Variants in WDR20 observed in about 807,000 individuals in gnomAD.
WDR20 encodes the protein WD repeat domain 20, also known as WD repeat-containing protein 20.
In WDR20, 3 loss-of-function variants were observed where a neutral mutation model predicts 38.7. The ratio of observed to expected loss-of-function variants is 0.08; its 90% CI spans 0.04 to 0.20. WDR20 has a LOEUF of 0.20. WDR20 is among the 10% of genes least tolerant of loss of function. WDR20 has a pLI of 1.00. For missense variants in WDR20, 559 were observed against 727.7 expected (o/e 0.77, Z 2.67); for synonymous variants, 298 against 285.6 (o/e 1.04, Z -0.44).
intron 1 of WDR20, among the ~76,000 whole-genome samples, chr14:102,174,482 C>T (rs2061643766): frequency 1.3e-5 from 2 of 152,152 alleles, no homozygotes; most frequent in East Asian, 1.9e-4. Context: ...TGCAATGGCA[C>T]AATCTCGGCT....
At chr14:102,155,164 A>T (rs887106415) in intron 1 of WDR20, among the ~76,000 whole-genome samples, 1 of 152,150 alleles carries the variant, frequency 6.6e-6, no homozygotes, top group African/African-American at 2.4e-5. Context: ...CTCGGGTTTC[A>T]TTTTTTGTAA....
chr14:102,210,015 A>G lies in WDR20; in HGVS notation c.*135A>G, dbSNP rs2062240838. The G allele has an allele frequency of 1.4e-6, 2 of 1,446,260 alleles. No homozygotes were observed. Among genetic ancestry groups the G allele is most frequent in the Admixed American group, 5.6e-5 (2 of 35,624 alleles). The allele number at this position is 1,446,260 out of a possible 1,614,324, so 89.6% of individuals were successfully genotyped here. On this transcript the variant is annotated 3_prime_UTR_variant, in exon 3 of 3. Coordinates refer to ENST00000342702, the MANE Select transcript of WDR20 (RefSeq NM_144574.4). ...CAATGCATCAGAGCCATAATTTTGGATACTGCATGCCATGTAATTCTGAAT... is the reference window on the plus strand; with the variant it reads ...CAATGCATCAGAGCCATAATTTTGGGTACTGCATGCCATGTAATTCTGAAT...
intron 1 of WDR20, among the ~76,000 whole-genome samples, chr14:102,142,645 G>C (rs1252268061): frequency 6.6e-6 from 1 of 151,832 alleles, no homozygotes; most frequent in Non-Finnish European, 1.5e-5. Context: ...TTTAGAGATG[G>C]AGGTCTTGCC....
intron 2 of WDR20, among the ~76,000 whole-genome samples, chr14:102,205,428 CAG>C (rs1334183044): frequency 6.6e-5 from 10 of 152,280 alleles, no homozygotes; most frequent in South Asian, 2.1e-4. Flanking sequence ...TGACTCAGGA[CAG>C]AGGATCCGGA....
chr14:102,179,428 A>AT (rs58963288), intron 1 of WDR20, among the ~76,000 whole-genome samples: 1,142 of 102,750 alleles, frequency 0.011, 17 homozygotes, highest in African/African-American at 0.03. Flanking sequence ...TTTTTAAAGT[A>AT]TTTTTTTTTT....
downstream of WDR20, among the ~76,000 whole-genome samples, chr14:102,219,608 C>G (rs185733610): frequency 6.6e-6 from 1 of 152,368 alleles, no homozygotes; most frequent in East Asian, 1.9e-4. Context: ...CCCCTTTGCT[C>G]TGACGGGCGG....
At chr14:102,170,346 C>T (rs1463160644) in intron 1 of WDR20, among the ~76,000 whole-genome samples, 1 of 152,106 alleles carries the variant, frequency 6.6e-6, no homozygotes, top group Non-Finnish European at 1.5e-5. Context: ...GAATAAATTC[C>T]TGTGAGGAAT....
intron 1 of WDR20, among the ~76,000 whole-genome samples, chr14:102,176,602 A>G (rs896411029): frequency 6.6e-6 from 1 of 151,504 alleles, no homozygotes; most frequent in Non-Finnish European, 1.5e-5. Flanking sequence ...ATTGGTCTGT[A>G]GTTTTCTTTC....
downstream of WDR20, chr14:102,213,827 G>A (rs45443993): frequency 0.082 from 80,640 of 985,424 alleles, 3,347 homozygotes; most frequent in Non-Finnish European, 0.084. Flanking sequence ...AGTGTGAGGC[G>A]GAGAAAACCT....
At chr14:102,197,809 G>C (rs1164826207) in intron 2 of WDR20, 2 of 702,678 alleles carry the variant, frequency 2.8e-6, no homozygotes, top group East Asian at 5.4e-5. Flanking sequence ...ACAGAATGAA[G>C]GTAGCAAGAC....
intron 1 of WDR20, among the ~76,000 whole-genome samples, chr14:102,148,673 G>GTGTA (rs969515575): frequency 1.9e-4 from 2 of 10,712 alleles, no homozygotes; most frequent in African/African-American, 2.3e-4. Flanking sequence ...TTGGCTTTGT[G>GTGTA]TGTGTGTGTG....
At position 102,222,054 on chromosome 14, in the gene WDR20, A is replaced by T. The variant is rs2063952275; in HGVS notation, c.1693-776A>T. On this transcript the variant is annotated intron_variant, in intron 3 of 3. Coordinates refer to the WDR20 transcript ENST00000335263. This position sits in a 1 kb window ranked among gnomAD's most constrained non-coding sequence, Gnocchi z 4.4. ...AACCCTCTTAGGTTTACCCAAGGTC[A>T]CACCAGTATTGTAAAATCTGGGTGA... 1.3e-5 allele frequency among the ~76,000 whole-genome samples: 2 copies of T among 152,166 alleles called. No homozygotes were observed. The highest frequency in any genetic ancestry group is 4.1e-4 in the South Asian group (2 of 4,830).
At chr14:102,217,841 G>A (rs895899804), downstream of WDR20, among the ~76,000 whole-genome samples, 19 of 152,214 alleles carry the variant, frequency 1.2e-4, no homozygotes, top group Admixed American at 9.2e-4. Context: ...AGTTCTCATC[G>A]TTTCCGCACC....
intron 1 of WDR20, among the ~76,000 whole-genome samples, chr14:102,147,197 C>T (rs758679636): frequency 1.3e-5 from 2 of 152,132 alleles, no homozygotes; most frequent in Non-Finnish European, 2.9e-5. Flanking sequence ...GAGTTCAAGA[C>T]CAGCCTGGCC....
At chr14:102,142,351 A>T (rs1458926069) in intron 1 of WDR20, among the ~76,000 whole-genome samples, 1 of 152,058 alleles carries the variant, frequency 6.6e-6, no homozygotes, top group Non-Finnish European at 1.5e-5. Flanking sequence ...CTATTTTCTG[A>T]TTTAAAATAT....
chr14:102,200,074 G>T (rs1366697860), intron 2 of WDR20, among the ~76,000 whole-genome samples: 3 of 152,234 alleles, frequency 2.0e-5, no homozygotes, highest in Non-Finnish European at 2.9e-5. Flanking sequence ...GGCAGGCCCT[G>T]CCCTCTTCCC....
downstream of WDR20, among the ~76,000 whole-genome samples, chr14:102,211,665 A>G (rs551241378): frequency 6.6e-6 from 1 of 152,326 alleles, no homozygotes; most frequent in South Asian, 2.1e-4. This position sits in a 1 kb window ranked among gnomAD's most constrained non-coding sequence, Gnocchi z 4.2. Context: ...TAAGGTAGCC[A>G]TGACAGCCAT....
At chr14:102,193,136 T>G (rs981710368) in intron 1 of WDR20, among the ~76,000 whole-genome samples, 6 of 130,866 alleles carry the variant, frequency 4.6e-5, no homozygotes, top group East Asian at 2.2e-4. Context: ...TTTTTTTTTG[T>G]TTTTTTTTTT....
chr14:102,149,326 C>A (rs867430665), intron 1 of WDR20, among the ~76,000 whole-genome samples: 18 of 152,032 alleles, frequency 1.2e-4, no homozygotes, highest in African/African-American at 3.4e-4. Context: ...CCATTGTTCC[C>A]GGCTGATTTT....
Sources: gnomAD v4.1 joint callset for allele counts (sites outside exome capture counted in the v4.1 genomes callset) on GRCh38, gnomAD v4.1.1 for gene constraint, Gnocchi (gnomAD v3.1) non-coding constraint, MANE v1.5 for transcripts, NCBI Gene and HGNC (gene_info 2026-07-23, HGNC 2026-07-21) for gene names.